The following PCDHGA8 variants were observed in gnomAD, a reference collection of about 807,000 sequenced individuals.
PCDHGA8 encodes protocadherin gamma-A8.
PCDHGA8 carries 45 observed loss-of-function variants against 59.2 expected under a neutral mutation model. That is an observed-to-expected ratio of 0.76 (90% CI 0.60 to 0.98). The LOEUF (loss-of-function observed/expected upper bound fraction) is 0.98, where lower values mean the gene tolerates loss of function less well. Ranked by LOEUF, PCDHGA8 falls within the 50% of genes least tolerant of loss-of-function variation. The pLI is 0.00. For synonymous variants in PCDHGA8, 531 were observed against 519.0 expected (o/e 1.02, Z -0.32); for missense variants, 1,257 against 1,196.2 (o/e 1.05, Z -0.75).
chr5:141,418,985 T>G, intron 1 of PCDHGA8: 1 of 1,613,882 alleles, frequency 6.2e-7, no homozygotes, highest in Non-Finnish European at 8.5e-7. Context: ...GGACCAAGAC[T>G]CAGGGGAAAA....
chr5:141,405,583 T>C (rs868246551), intron 1 of PCDHGA8: 1 of 588,746 alleles, frequency 1.7e-6, no homozygotes. Flanking sequence ...TAGCTGGGAC[T>C]ACAGGCCTCC....
rs771313271 is a variant in PCDHGA8 at position 141,477,861 on chromosome 5, G to C, written c.2425-16946G>C. 1.2e-6 allele frequency: 2 copies of C among 1,612,714 alleles called. No individual in the cohort carries two copies. Among genetic ancestry groups the C allele is most frequent in the South Asian group, 1.1e-5 (1 of 90,968 alleles). On this transcript the variant is annotated intron_variant, in intron 1 of 3. Transcript: ENST00000398604. The surrounding 1 kb of genome is among the most constrained non-coding windows in gnomAD (Gnocchi z 4.9). ...GGGAGCTCGGTGGAGATGCTGCCTC[G>C]AGGTACCTCAGCTGGCCACCTAGTG...
Position 141,491,900 on chromosome 5 carries a change from G to C in PCDHGA8, c.2425-2907G>C. ...TAAGGGATGGGGCTCCGAGCACCGG[G>C]GGTGGTGGCGACTGTGGGCGAGGGG... On this transcript the variant is annotated intron_variant, in intron 1 of 3. Transcript: ENST00000398604. This position sits in a 1 kb window ranked among gnomAD's most constrained non-coding sequence, Gnocchi z 6.9. 1 of 1,429,936 alleles carries C rather than the reference G, an allele frequency of 7.0e-7. No homozygotes were observed. Among genetic ancestry groups the C allele is most frequent in the South Asian group, 1.5e-5 (1 of 67,072 alleles). 88.6% of individuals were successfully genotyped at this position (1,429,936 alleles called of 1,614,324 possible). A position where few individuals can be genotyped will look rare whatever the true frequency, so the allele number is the denominator to read the frequency against.
At chr5:141,424,357 G>A (rs1171882619) in intron 1 of PCDHGA8, 1 of 152,122 alleles carries the variant, frequency 6.6e-6, no homozygotes, top group Non-Finnish European at 1.5e-5. Context: ...ATAAAATTTA[G>A]ATCACATTTT....
intron 1 of PCDHGA8, among the ~76,000 whole-genome samples, chr5:141,455,289 A>C (rs1592356100): frequency 6.6e-6 from 1 of 152,074 alleles, no homozygotes; most frequent in South Asian, 2.1e-4. Flanking sequence ...ATCACTTTAC[A>C]TAGTTTCATC....
At chr5:141,423,936 G>A (rs2096792092) in intron 1 of PCDHGA8, 1 of 1,225,102 alleles carries the variant, frequency 8.2e-7, no homozygotes. Context: ...TTGGTTTGAA[G>A]TAAGTTGAAT....
intron 1 of PCDHGA8, chr5:141,421,683 A>G (rs1238944281): frequency 1.2e-6 from 2 of 1,613,758 alleles, no homozygotes; most frequent in African/African-American, 1.3e-5. Flanking sequence ...CTGGGGCGCG[A>G]TTTGCTCTTC....
intron 1 of PCDHGA8, among the ~76,000 whole-genome samples, chr5:141,464,549 C>T (rs2099086404): frequency 6.6e-6 from 1 of 152,014 alleles, no homozygotes; most frequent in Non-Finnish European, 1.5e-5. Flanking sequence ...TAGCTATTCC[C>T]CATCTTGCAT....
At chr5:141,405,394 C>A (rs761584699) in intron 1 of PCDHGA8, 7 of 1,593,014 alleles carry the variant, frequency 4.4e-6, no homozygotes, top group Non-Finnish European at 6.0e-6. Context: ...CATTTTTTTT[C>A]TTTCTTTCTT....
chr5:141,456,383 T>G (rs1372337704), intron 1 of PCDHGA8, among the ~76,000 whole-genome samples: 4 of 152,130 alleles, frequency 2.6e-5, no homozygotes, highest in Admixed American at 2.6e-4. Flanking sequence ...ACAGCACCGT[T>G]TGGAGTTTGA....
intron 1 of PCDHGA8, among the ~76,000 whole-genome samples, chr5:141,449,762 G>T (rs909809198): frequency 6.6e-6 from 1 of 151,458 alleles, no homozygotes; most frequent in Non-Finnish European, 1.5e-5. Context: ...ACATTTGAGA[G>T]TAAGTTGTAG....
chr5:141,405,231 C>A, intron 1 of PCDHGA8: 1 of 1,614,130 alleles, frequency 6.2e-7, no homozygotes, highest in Non-Finnish European at 8.5e-7. Flanking sequence ...TTCTCCCTCA[C>A]CGCTGACTCA....
chr5:141,489,088 G>GCCAA lies in PCDHGA8; in HGVS notation c.2425-5719_2425-5718insCCAA. The GCCAA allele has an allele frequency of 2.9e-6, 1 of 347,240 alleles. No individual in the cohort carries two copies. Among genetic ancestry groups the GCCAA allele is most frequent in the Non-Finnish European group, 5.0e-6 (1 of 200,708 alleles). The allele number at this position is 347,240 out of a possible 1,614,324, so 21.5% of individuals were successfully genotyped here. A position where few individuals can be genotyped will look rare whatever the true frequency, so the allele number is the denominator to read the frequency against. ...CCCCTGCCCACCCCCGCCACTCGGT[G>GCCAA]ACTAAGAACTGCTGCAAGCAGGCAA... On this transcript the variant is annotated intron_variant, in intron 1 of 3. Transcript: ENST00000398604. This position sits in a 1 kb window ranked among gnomAD's most constrained non-coding sequence, Gnocchi z 4.5.
chr5:141,481,856 G>A (rs1402368786), intron 1 of PCDHGA8, among the ~76,000 whole-genome samples: 1 of 149,156 alleles, frequency 6.7e-6, no homozygotes, highest in Admixed American at 6.8e-5. Flanking sequence ...GGAGGTTGCA[G>A]TGAGCCGAGA....
At chr5:141,418,478 G>T (rs777772131) in intron 1 of PCDHGA8, 1 of 1,613,858 alleles carries the variant, frequency 6.2e-7, no homozygotes, top group Non-Finnish European at 8.5e-7. Flanking sequence ...AACGCAGAGC[G>T]CTCACCACTT....
intron 1 of PCDHGA8, among the ~76,000 whole-genome samples, chr5:141,492,435 C>T (rs191116850): frequency 8.5e-5 from 13 of 152,348 alleles, no homozygotes; most frequent in Admixed American, 8.5e-4. Context: ...CTCAGGAGTA[C>T]TCGTAGCTGA....
In PCDHGA8 at chr5:141,419,425, C is replaced by T. The variant is rs3749766; in HGVS notation, c.2424+24188C>T. Reference sequence around the variant, plus strand: ...TGTTCGCGCAGCGCGCCTTCGACCACGAGCAGCTGCGCACCTTCGAGCTCA... The same window carrying T: ...TGTTCGCGCAGCGCGCCTTCGACCATGAGCAGCTGCGCACCTTCGAGCTCA... On this transcript the variant is annotated intron_variant, in intron 1 of 3. Transcript: ENST00000398604. 284 of 1,613,316 alleles carry T rather than the reference C, an allele frequency of 1.8e-4. 1 individual carries two copies. The East Asian group carries it at 5.9e-3, about 34-fold the overall frequency.
chr5:141,507,487 G>A (rs889348168), intron 3 of PCDHGA8, among the ~76,000 whole-genome samples: 1 of 152,204 alleles, frequency 6.6e-6, no homozygotes, highest in African/African-American at 2.4e-5. Context: ...GCCTCCTGAG[G>A]CAGAGCTGTC....
intron 1 of PCDHGA8, among the ~76,000 whole-genome samples, chr5:141,452,689 C>G (rs1198702467): frequency 6.6e-6 from 1 of 151,562 alleles, no homozygotes; most frequent in Non-Finnish European, 1.5e-5. Context: ...AGAATGAAAC[C>G]CTGTCAAGAA....
Sources: gnomAD v4.1 joint callset for allele counts (sites outside exome capture counted in the v4.1 genomes callset) on GRCh38, gnomAD v4.1.1 for gene constraint, Gnocchi (gnomAD v3.1) non-coding constraint, MANE v1.5 for transcripts, NCBI Gene and HGNC (gene_info 2026-07-23, HGNC 2026-07-21) for gene names.